The following HEATR1 variants were observed in gnomAD, a reference collection of about 807,000 sequenced individuals.
HEATR1 encodes HEAT repeat-containing protein 1.
In HEATR1, 77 loss-of-function variants were observed where a neutral mutation model predicts 248.2. That is an observed-to-expected ratio of 0.31 (90% CI 0.26 to 0.37). The LOEUF is 0.37. Among genes scored for constraint, HEATR1 ranks in the 10% least tolerant of loss-of-function variants. The pLI, the probability that HEATR1 is intolerant of heterozygous loss-of-function variation, is 1.00. For missense variants in HEATR1, 2,420 were observed against 2,504.9 expected (o/e 0.97, Z 0.72); for synonymous variants, 897 against 923.1 (o/e 0.97, Z 0.51).
intron 19 of HEATR1, among the ~76,000 whole-genome samples, chr1:236,582,332 T>G (rs770874931): frequency 1.3e-5 from 2 of 152,004 alleles, no homozygotes; most frequent in African/African-American, 4.8e-5. Flanking sequence ...GGTCTCGATC[T>G]CCTGACCTCG....
At chr1:236,573,802 C>T (rs1054690366) in intron 24 of HEATR1, among the ~76,000 whole-genome samples, 5 of 152,112 alleles carry the variant, frequency 3.3e-5, no homozygotes, top group Admixed American at 1.3e-4. Context: ...ACGTATAAAA[C>T]CAACAAGCAG....
At chr1:236,604,173 G>A (rs535951447) in intron 1 of HEATR1, 46 bp from the exon 2 acceptor site, 2 of 1,454,314 alleles carry the variant, frequency 1.4e-6, no homozygotes, top group East Asian at 2.5e-5. Flanking sequence ...AAATTATAAG[G>A]CGCCTCGTAA....
chr1:236,583,284 T>G (rs1467676805), intron 17 of HEATR1, 88 bp from the exon 18 acceptor site: 2 of 1,173,744 alleles, frequency 1.7e-6, no homozygotes, highest in South Asian at 1.8e-5. Flanking sequence ...ATGCAAAAGT[T>G]TTGTTTATGT....
At chr1:236,559,189 C>T (rs2146122) in intron 34 of HEATR1, 54 bp from the exon 35 acceptor site, 1,031,198 of 1,443,602 alleles carry the variant, frequency 0.71, 369,727 homozygotes, top group Non-Finnish European at 0.74. Context: ...AAAAAAAAAA[C>T]CAACTTCAAT....
chr1:236,567,711 A>C (rs543072114), intron 29 of HEATR1, among the ~76,000 whole-genome samples: 81 of 152,096 alleles, frequency 5.3e-4, no homozygotes, highest in Non-Finnish European at 9.9e-4. Flanking sequence ...CTCTGTCTCA[A>C]ACAAACAAAA....
At chr1:236,580,905 C>T (rs1273954171) in intron 20 of HEATR1, among the ~76,000 whole-genome samples, 2 of 149,570 alleles carry the variant, frequency 1.3e-5, no homozygotes, top group East Asian at 2.0e-4. Flanking sequence ...CTGCAACCTC[C>T]AACTCCCTGG....
At chr1:236,586,145 G>A (rs1663878430) in intron 15 of HEATR1, 96 bp downstream of exon 15, 3 of 1,135,594 alleles carry the variant, frequency 2.6e-6, no homozygotes, top group Non-Finnish European at 3.6e-6. Flanking sequence ...AGACCTTACT[G>A]GCATATAAGC....
chr1:236,576,798 A>T lies in HEATR1; in HGVS notation c.2907T>A (p.Asp969Glu). ...LISKAEEITS[D>E]AAYVIQDLAT... ...AGCTTACCTGAATAACATAGGCAGC[A>T]TCTGAAGTGATCTCCTCTGCTTTAG... Residue 969 changes from aspartate to glutamate, a missense_variant, in exon 21 of 45, where the codon GAT becomes GAA. By Grantham distance (45) the Asp-to-Glu change is conservative. Coordinates refer to ENST00000366582, the MANE Select transcript of HEATR1 (RefSeq NM_018072.6). The T allele has an allele frequency of 3.1e-6, 5 of 1,613,138 alleles. No individual in the cohort carries two copies. Among genetic ancestry groups the T allele is most frequent in the Non-Finnish European group, 4.2e-6 (5 of 1,179,670 alleles).
intron 28 of HEATR1, among the ~76,000 whole-genome samples, chr1:236,570,085 G>A (rs887329334): frequency 7.9e-5 from 12 of 152,072 alleles, no homozygotes; most frequent in African/African-American, 2.4e-4. Context: ...TCAGGAGATC[G>A]AGACCATCCT....
chr1:236,577,363 C>G (rs1663590404), intron 20 of HEATR1, among the ~76,000 whole-genome samples: 1 of 152,194 alleles, frequency 6.6e-6, no homozygotes, highest in Non-Finnish European at 1.5e-5. Context: ...GTTGGCCAGG[C>G]TGGTTTCGAA....
intron 12 of HEATR1, among the ~76,000 whole-genome samples, chr1:236,589,667 T>G (rs143424784): frequency 2.3e-3 from 349 of 152,336 alleles, no homozygotes; most frequent in African/African-American, 8.0e-3. Context: ...ACACAAGTTC[T>G]AGAGTTCGGC....
At chr1:236,577,669 G>A (rs942881665) in intron 20 of HEATR1, among the ~76,000 whole-genome samples, 2 of 151,568 alleles carry the variant, frequency 1.3e-5, no homozygotes, top group Non-Finnish European at 2.9e-5. Context: ...TGTATTTTTA[G>A]TAGAGACGGG....
Position 236,556,238 on chromosome 1 carries a change from G to C in HEATR1, c.5376C>G (p.Ile1792Met), listed in dbSNP as rs772276212. ...ILSQVIHLEK[I>M]TSEMGSASQA... ...GTGACGCAGAACCCATTTCACTAGT[G>C]ATTTTCTCCAGATGAATCACCTACA... Residue 1792 changes from isoleucine (I) to methionine (M), a missense_variant, in exon 38 of 45, where the codon ATC becomes ATG. Transcript: ENST00000366582. 1.4e-5 allele frequency: 23 copies of C among 1,613,962 alleles called. No individual in the cohort carries two copies. The South Asian group carries it at 2.5e-4, about 18-fold the overall frequency.
Position 236,557,253 on chromosome 1 carries a change from T to C in HEATR1, c.5297A>G (p.Lys1766Arg), listed in dbSNP as rs1572032228. The C allele has an allele frequency of 6.2e-7, 1 of 1,614,132 alleles. No homozygotes were observed. Among genetic ancestry groups the C allele is most frequent in the East Asian group, 2.2e-5 (1 of 44,884 alleles). The change falls in exon 37 of 45, where the codon AAG (lysine) becomes AGG (arginine). Residue 1766 changes from lysine to arginine, a missense_variant. Coordinates refer to ENST00000366582, the MANE Select transcript of HEATR1 (RefSeq NM_018072.6). ...GAAGTGCGGGAGAGTCTCCACAACC[T>C]TCTGCAGAGCAGCCAAGGCACTGAG... ...YLLSALAALQ[K>R]VVETLPHFIS... is the part of the protein sequence containing the mutation.
intron 10 of HEATR1, 55 bp downstream of exon 10, chr1:236,592,468 T>A (rs1664063778): frequency 1.3e-6 from 1 of 755,274 alleles, no homozygotes; most frequent in Non-Finnish European, 2.3e-6. Flanking sequence ...GTGAATCATA[T>A]CTTTATAGAA....
At chr1:236,556,624 C>CCTGG (rs2103124744) in intron 37 of HEATR1, among the ~76,000 whole-genome samples, 2 of 152,288 alleles carry the variant, frequency 1.3e-5, no homozygotes, top group Admixed American at 1.3e-4. Context: ...ACTTTTAAAC[C>CCTGG]CTGGCTGTGG....
chr1:236,559,420 T>C (rs1294406488), intron 34 of HEATR1, among the ~76,000 whole-genome samples: 1 of 152,236 alleles, frequency 6.6e-6, no homozygotes, highest in Non-Finnish European at 1.5e-5. Flanking sequence ...GTGATATGTA[T>C]GTAATATACT....
Position 236,604,449 on chromosome 1 carries a change from G to T in HEATR1, c.-60C>A, listed in dbSNP as rs1378933464. On this transcript the variant is annotated 5_prime_UTR_variant, in exon 1 of 45. Coordinates refer to ENST00000366582, the MANE Select transcript of HEATR1 (RefSeq NM_018072.6). ...GGAACTGGGAATTTGGGTATATCTT[G>T]GAAGGCAACAACTCTTCACAGCGCT... is the stretch of plus-strand genomic sequence containing the variant. 5.2e-6 allele frequency: 1 copy of T among 192,784 alleles called. No homozygotes were observed. 11.9% of individuals were successfully genotyped at this position (192,784 alleles called of 1,614,324 possible).
intron 17 of HEATR1, among the ~76,000 whole-genome samples, chr1:236,583,942 G>A (rs1297179785): frequency 2.0e-5 from 3 of 152,144 alleles, no homozygotes; most frequent in South Asian, 2.1e-4. Flanking sequence ...GCAGCAAAAT[G>A]TTAGGTGTTT....
Sources: gnomAD v4.1 joint callset for allele counts (sites outside exome capture counted in the v4.1 genomes callset) on GRCh38, gnomAD v4.1.1 for gene constraint, MANE v1.5 for transcripts, NCBI Gene and HGNC (gene_info 2026-07-23, HGNC 2026-07-21) for gene names.